The following TTLL5 variants were observed in gnomAD, a reference collection of about 807,000 sequenced individuals.
TTLL5 encodes the protein tubulin polyglutamylase TTLL5.
TTLL5 carries 132 observed loss-of-function variants against 168.4 expected under a neutral mutation model. That is an observed-to-expected ratio of 0.78 (90% CI 0.68 to 0.91). TTLL5 has a LOEUF of 0.91. Among genes scored for constraint, TTLL5 ranks in the 40% least tolerant of loss-of-function variants. The pLI is 0.00. For missense variants in TTLL5, 1,545 were observed against 1,581.5 expected (o/e 0.98, Z 0.39); for synonymous variants, 546 against 558.6 (o/e 0.98, Z 0.32).
chr14:75,698,577 T>C (rs1886027976), intron 6 of TTLL5, among the ~76,000 whole-genome samples: 1 of 152,136 alleles, frequency 6.6e-6, no homozygotes, highest in Non-Finnish European at 1.5e-5. Context: ...CATCCAGATA[T>C]TTGCCTTATT....
At chr14:75,933,425 G>T (rs1226831250) in intron 31 of TTLL5, among the ~76,000 whole-genome samples, 1 of 150,876 alleles carries the variant, frequency 6.6e-6, no homozygotes, top group Non-Finnish European at 1.5e-5. Flanking sequence ...TCATGCTACT[G>T]CAGTCCATCC....
intron 1 of TTLL5, 143 bp from the exon 2 acceptor site, chr14:75,662,912 G>T: frequency 1.6e-6 from 1 of 624,742 alleles, no homozygotes; most frequent in Non-Finnish European, 2.9e-6. Flanking sequence ...CATTCCATAT[G>T]TTATGGAAAG....
intron 21 of TTLL5, among the ~76,000 whole-genome samples, chr14:75,772,793 A>T (rs1595011263): frequency 6.6e-6 from 1 of 151,108 alleles, no homozygotes; most frequent in East Asian, 1.9e-4. Context: ...TTAGCCTCCC[A>T]AGTAGCTGTG....
rs191278110 is a variant in TTLL5, at chr14:75,888,706, C to T, written c.3740+5804C>T. Among the ~76,000 whole-genome samples the T allele has an allele frequency of 6.0e-3, 917 of 152,074 alleles. 7 individuals carry two copies. The highest frequency in any genetic ancestry group is 0.021 in the African/African-American group (890 of 41,482). On this transcript the variant is annotated intron_variant, in intron 30 of 31. Transcript: ENST00000298832. ...ATCCCAGTGCTTTGGGAGGCCGAGG[C>T]GGGTGGGTCATGAGGTCAGGAGTTC... is the stretch of plus-strand genomic sequence containing the variant.
intron 18 of TTLL5, chr14:75,757,882 TA>T: frequency 6.3e-7 from 1 of 1,588,276 alleles, no homozygotes; most frequent in Non-Finnish European, 8.5e-7. Flanking sequence ...AATTGACTTT[TA>T]AAAGTTGAGA....
At chr14:75,809,221 AC>A (rs1893839117) in intron 27 of TTLL5, among the ~76,000 whole-genome samples, 1 of 152,156 alleles carries the variant, frequency 6.6e-6, no homozygotes, top group South Asian at 2.1e-4. Context: ...GGGTTCAAAT[AC>A]CTTCACCCTC....
intron 29 of TTLL5, among the ~76,000 whole-genome samples, chr14:75,877,668 T>C (rs1279213094): frequency 6.6e-6 from 1 of 152,246 alleles, no homozygotes; most frequent in Admixed American, 6.5e-5. Context: ...TATGCCTGTG[T>C]TGTTAATATT....
At chr14:75,849,185 T>G (rs1221085828) in intron 28 of TTLL5, among the ~76,000 whole-genome samples, 2 of 152,246 alleles carry the variant, frequency 1.3e-5, no homozygotes, top group East Asian at 3.8e-4. Flanking sequence ...CCCAGCATCT[T>G]CCCATCATCA....
chr14:75,698,638 T>C (rs1031171823), intron 6 of TTLL5, among the ~76,000 whole-genome samples: 1 of 152,108 alleles, frequency 6.6e-6, no homozygotes, highest in Non-Finnish European at 1.5e-5. Context: ...CATGGTGGCT[T>C]ATACCTGTAA....
At chr14:75,807,804 A>G (rs547505077) in intron 27 of TTLL5, among the ~76,000 whole-genome samples, 1 of 152,212 alleles carries the variant, frequency 6.6e-6, no homozygotes, top group African/African-American at 2.4e-5. Context: ...TTGTTGTTCC[A>G]TGATGTTGCT....
At chr14:75,818,021 G>A (rs1025738832) in intron 27 of TTLL5, among the ~76,000 whole-genome samples, 1 of 151,008 alleles carries the variant, frequency 6.6e-6, no homozygotes, top group African/African-American at 2.4e-5. Context: ...TGTATTTTTA[G>A]TAGAGACGGG....
At position 75,894,350 on chromosome 14, in the gene TTLL5, G is replaced by A. The variant is rs560237175; in HGVS notation, c.3741-7792G>A. The stretch of plus-strand genomic sequence containing the variant: ...GTGGATCACCTGAGGTTAGGGGTTC[G>A]AAACCAGCCTGGCCAACATGGTGAA... On this transcript the variant is annotated intron_variant, in intron 30 of 31. Coordinates refer to ENST00000298832, the MANE Select transcript of TTLL5 (RefSeq NM_015072.5). Among the ~76,000 whole-genome samples, 7 of 152,270 alleles carry A rather than the reference G, an allele frequency of 4.6e-5. No homozygotes were observed. The Middle Eastern group carries it at 0.014, about 296-fold the overall frequency.
chr14:75,764,876 A>C (rs1400245725), intron 19 of TTLL5, 104 bp downstream of exon 19: 1 of 1,303,372 alleles, frequency 7.7e-7, no homozygotes, highest in African/African-American at 1.5e-5. Flanking sequence ...CTTCCTGATC[A>C]CATACACCTT....
intron 31 of TTLL5, among the ~76,000 whole-genome samples, chr14:75,925,418 GCGGCGGGGCAGAGGCGC>G (rs1426705974): frequency 1.1e-4 from 3 of 26,104 alleles, no homozygotes; most frequent in Admixed American, 5.4e-4. Flanking sequence ...CCCAGACGGG[GCGGCGGGGCAGAGGCGC>G]TCCTCACATC....
intron 13 of TTLL5, among the ~76,000 whole-genome samples, chr14:75,733,565 C>T (rs561020070): frequency 1.3e-5 from 2 of 152,094 alleles, no homozygotes; most frequent in South Asian, 4.1e-4. Context: ...AGTTGCTTCT[C>T]TTGCGTGTGA....
chr14:75,887,342 G>T (rs550602741), intron 30 of TTLL5: 2 of 984,364 alleles, frequency 2.0e-6, no homozygotes, highest in East Asian at 2.3e-4. Flanking sequence ...AAAGTGAGAA[G>T]ATTTAAGGGC....
chr14:75,949,062 A>G (rs1043994772), intron 31 of TTLL5, among the ~76,000 whole-genome samples: 1 of 152,162 alleles, frequency 6.6e-6, no homozygotes, highest in Non-Finnish European at 1.5e-5. Flanking sequence ...ATTATATAGG[A>G]TCAGAAGGGA....
intron 29 of TTLL5, 72 bp downstream of exon 29, chr14:75,863,934 AG>A (rs200054524): frequency 1.6e-6 from 2 of 1,266,296 alleles, no homozygotes; most frequent in Non-Finnish European, 2.1e-6. Flanking sequence ...AAAAAAAAAA[AG>A]GTCAGTGAAT....
At chr14:75,930,308 G>A (rs1001361996) in intron 31 of TTLL5, among the ~76,000 whole-genome samples, 1 of 152,156 alleles carries the variant, frequency 6.6e-6, no homozygotes, top group Non-Finnish European at 1.5e-5. Context: ...AAATTCATAT[G>A]TTGACAGATA....
Sources: allele counts gnomAD v4.1 joint callset (sites outside exome capture counted in the v4.1 genomes callset), GRCh38; gene constraint gnomAD v4.1.1; transcripts MANE v1.5; gene names NCBI Gene and HGNC (gene_info 2026-07-23, HGNC 2026-07-21).